The following CHCT1 variants were observed in gnomAD, a reference collection of about 807,000 sequenced individuals.
CHCT1 encodes CHD1 helical C-terminal domain containing protein 1.
the CHCT1 span, chr17:60,431,387 T>G: frequency 1.5e-6 from 1 of 667,872 alleles, no homozygotes; most frequent in Admixed American, 2.9e-5. Context: ...TAGGAATAAA[T>G]GAGGTGGGAA....
At chr17:60,427,115 T>G in the CHCT1 span, among the ~76,000 whole-genome samples, 85 of 152,288 alleles carry the variant, frequency 5.6e-4, no homozygotes, top group Middle Eastern at 3.4e-3. Flanking sequence ...CACAGCAAGT[T>G]TATGGAAGCG....
At chr17:60,430,672 G>A in the CHCT1 span, among the ~76,000 whole-genome samples, 3 of 152,082 alleles carry the variant, frequency 2.0e-5, no homozygotes, top group African/African-American at 7.2e-5. Flanking sequence ...GTAGAGATGG[G>A]GTTTCACCAT....
At chr17:60,427,149 C>A in the CHCT1 span, among the ~76,000 whole-genome samples, 1 of 152,246 alleles carries the variant, frequency 6.6e-6, no homozygotes, top group African/African-American at 2.4e-5. Context: ...GCAGCAGAGG[C>A]ACTCCTCCTT....
chr17:60,431,275 A>G, the CHCT1 span: 2 of 1,589,852 alleles, frequency 1.3e-6, no homozygotes, highest in Non-Finnish European at 1.7e-6. Context: ...AAGAAGACCA[A>G]CTGGGACAAA....
chr17:60,422,652 G>C, the CHCT1 span: 1 of 1,544,014 alleles, frequency 6.5e-7, no homozygotes, highest in Non-Finnish European at 8.8e-7. Context: ...AGGTGAAGTG[G>C]GGTGTGAGGG....
chr17:60,428,341 G>A, the CHCT1 span, among the ~76,000 whole-genome samples: 1 of 152,116 alleles, frequency 6.6e-6, no homozygotes, highest in Non-Finnish European at 1.5e-5. Flanking sequence ...CTCTCGCCGT[G>A]CAGCCCTAAC....
At chr17:60,425,946 C>A in the CHCT1 span, 5 of 1,402,972 alleles carry the variant, frequency 3.6e-6, no homozygotes, top group Non-Finnish European at 4.9e-6. Flanking sequence ...AGGCCTGAGT[C>A]AGGAAATGGC....
At chr17:60,421,244 T>TACA in the CHCT1 span, 24 of 582,380 alleles carry the variant, frequency 4.1e-5, no homozygotes, top group Non-Finnish European at 5.2e-5. Flanking sequence ...TTCCTCCCCT[T>TACA]ACAACAACAA....
chr17:60,430,587 T>G, the CHCT1 span, among the ~76,000 whole-genome samples: 7 of 152,350 alleles, frequency 4.6e-5, no homozygotes, highest in South Asian at 2.1e-4. Context: ...TTCAAGTGAT[T>G]CTCCTGCCTC....
the CHCT1 span, among the ~76,000 whole-genome samples, chr17:60,427,925 G>A: frequency 6.6e-6 from 1 of 151,820 alleles, no homozygotes; most frequent in Non-Finnish European, 1.5e-5. Flanking sequence ...TCATATCGTC[G>A]GGATCATACA....
the CHCT1 span, chr17:60,426,721 G>T: frequency 9.9e-6 from 16 of 1,609,686 alleles, no homozygotes; most frequent in East Asian, 3.4e-4. Flanking sequence ...TTTGCAGGAT[G>T]CTCTGGCGGT....
the CHCT1 span, chr17:60,429,541 G>A: frequency 6.2e-7 from 1 of 1,613,968 alleles, no homozygotes; most frequent in Non-Finnish European, 8.5e-7. Context: ...CAAGATCCCA[G>A]GACCATGTCA....
the CHCT1 span, chr17:60,422,380 G>C: frequency 9.2e-6 from 12 of 1,298,470 alleles, no homozygotes; most frequent in South Asian, 1.7e-4. Flanking sequence ...CCAGATCCCA[G>C]CTGGAGGGGC....
chr17:60,421,403 G>A, the CHCT1 span: 3 of 985,544 alleles, frequency 3.0e-6, no homozygotes, highest in Non-Finnish European at 3.6e-6. Context: ...TCCTGTGCCC[G>A]AGGTGGCCGC....
the CHCT1 span, among the ~76,000 whole-genome samples, chr17:60,428,479 G>C: frequency 5.5e-5 from 8 of 145,554 alleles, no homozygotes; most frequent in Admixed American, 1.3e-4. Flanking sequence ...GATTTCATTG[G>C]CCTGAATTTT....
the CHCT1 span, among the ~76,000 whole-genome samples, chr17:60,424,488 A>G: frequency 6.6e-6 from 1 of 152,230 alleles, no homozygotes; most frequent in Non-Finnish European, 1.5e-5. Context: ...AAAAGAGGGG[A>G]AAAATGAAAA....
At chr17:60,422,857 T>C in the CHCT1 span, among the ~76,000 whole-genome samples, 3 of 152,106 alleles carry the variant, frequency 2.0e-5, no homozygotes, top group Non-Finnish European at 2.9e-5. Flanking sequence ...CCTCTCATTG[T>C]TGGTTATGAA....
chr17:60,425,787 C>T, the CHCT1 span: 1 of 1,550,838 alleles, frequency 6.4e-7, no homozygotes, highest in Non-Finnish European at 8.7e-7. Flanking sequence ...TCCTAGGTGA[C>T]AAATGTGTCA....
chr17:60,428,041 TG>T, the CHCT1 span, among the ~76,000 whole-genome samples: 1 of 152,204 alleles, frequency 6.6e-6, no homozygotes, highest in Non-Finnish European at 1.5e-5. Context: ...CAGGGACTCC[TG>T]GGGGTTTGCA....
Sources: gnomAD v4.1 joint callset for allele counts (sites outside exome capture counted in the v4.1 genomes callset) on GRCh38, gnomAD v4.1.1 for gene constraint, MANE v1.5 for transcripts, NCBI Gene and HGNC (gene_info 2026-07-23, HGNC 2026-07-21) for gene names.